NAV1: variants seen among roughly 807,000 people sequenced by gnomAD.
NAV1 encodes pore membrane and/or filament interacting like protein 3.
A neutral mutation model predicts 175.2 loss-of-function variants in NAV1; 18 were observed. The observed-to-expected ratio is 0.10, with a 90% CI of 0.07 to 0.15. NAV1 has a LOEUF of 0.15. Ranked by LOEUF, NAV1 falls within the 10% of genes least tolerant of loss-of-function variation. The pLI is 1.00. For missense variants in NAV1, 1,731 were observed against 2,436.6 expected, an observed-to-expected ratio of 0.71 and a Z score of 6.10; for synonymous variants, 897 against 978.7, an observed-to-expected ratio of 0.92 and a Z score of 1.56.
chr1:201,780,391 C>T, intron 3 of NAV1, 30 bp from the exon 8 acceptor site: 9 of 1,613,244 alleles, frequency 5.6e-6, no homozygotes, highest in South Asian at 1.1e-5. Context: ...TCTGTTTTAA[C>T]GATTGACCTT....
At position 201,577,620 on chromosome 1, in the gene NAV1, C is replaced by G. The variant is rs560538805; in HGVS notation, c.-143-10919C>G. Among the ~76,000 whole-genome samples, 49 of 151,938 alleles carry G rather than the reference C, an allele frequency of 3.2e-4. 1 individual carries two copies. The South Asian group carries it at 9.8e-3, about 30-fold the overall frequency. On this transcript the variant is annotated intron_variant, in intron 1 of 33. Coordinates refer to the NAV1 transcript ENST00000685211. ...ATTTGTGTGGGTCTGTTTCTGGATT[C>G]TCTATTCTGTTCCTTTCTGTTTGGA...
intron 1 of NAV1, among the ~76,000 whole-genome samples, chr1:201,677,102 AT>A (rs1670280143): frequency 1.3e-5 from 2 of 151,814 alleles, no homozygotes; most frequent in Admixed American, 1.3e-4. Context: ...AAATACAAAC[AT>A]TATCTGGTTA....
exon 30 of NAV1, chr1:201,820,835 G>A (rs542065368): frequency 7.6e-5 from 10 of 131,242 alleles, no homozygotes; most frequent in Non-Finnish European, 1.1e-4. Flanking sequence ...TTCTTTTTCC[G>A]TTTTTCCATT....
Position 201,629,426 on chromosome 1 carries a change from G to A in NAV1, c.-78G>A. On this transcript the variant is annotated 5_prime_UTR_variant, in exon 2 of 30. Coordinates refer to the NAV1 transcript ENST00000367302. The stretch of plus-strand genomic sequence containing the variant: ...CAGGTTGCAAACTGACCAGAAACCT[G>A]GCCCCCTCTCCCAGGGCAGCTGGCC... The A allele has an allele frequency of 3.8e-6, 5 of 1,303,906 alleles. 1 individual carries two copies. The South Asian group carries it at 6.2e-5, about 16-fold the overall frequency. 80.8% of individuals were successfully genotyped at this position (1,303,906 alleles called of 1,614,324 possible). A position where few individuals can be genotyped will look rare whatever the true frequency, so the allele number is the denominator to read the frequency against.
At chr1:201,623,231 G>C in exon 1 of NAV1, 1 of 986,090 alleles carries the variant, frequency 1.0e-6, no homozygotes, top group South Asian at 4.7e-5. Context: ...AGCCGGGCTG[G>C]ATCCGGAAGA....
At chr1:201,693,493 G>A (rs1187829946) in intron 1 of NAV1, among the ~76,000 whole-genome samples, 3 of 152,206 alleles carry the variant, frequency 2.0e-5, no homozygotes, top group Non-Finnish European at 4.4e-5. Context: ...GGGATGTAGT[G>A]TCTAGTGGAG....
rs1553278327 is a variant in NAV1 at position 201,802,470 on chromosome 1, A to AAAAAG, written c.3518-1119_3518-1118insGAAAA. ...ACCCTGTCTCATTAAAAAAAAAAAA[A>AAAAAG]AAAAAAGAAAGAAAGAAAAGAAAAA... On this transcript the variant is annotated intron_variant, in intron 15 of 29. Coordinates refer to ENST00000367296, the Ensembl canonical transcript of NAV1. Among the ~76,000 whole-genome samples, 93 of 129,112 alleles carry AAAAAG rather than the reference A, an allele frequency of 7.2e-4. 1 individual carries two copies. Among genetic ancestry groups the AAAAAG allele is most frequent in the African/African-American group, 2.4e-3 (90 of 37,796 alleles). 84.7% of individuals were successfully genotyped at this position (129,112 alleles called of 152,430 possible).
chr1:201,548,657 C>A (rs1327990535), intron 1 of NAV1, among the ~76,000 whole-genome samples: 3 of 152,178 alleles, frequency 2.0e-5, no homozygotes, highest in African/African-American at 4.8e-5. Context: ...ATACTCTCCT[C>A]TTCTACTGAG....
chr1:201,707,307 A>G (rs890852975), intron 1 of NAV1, among the ~76,000 whole-genome samples: 8 of 152,046 alleles, frequency 5.3e-5, no homozygotes, highest in Admixed American at 1.3e-4. Context: ...TTGTTCACCC[A>G]CCTCTTTGTG....
At chr1:201,677,508 A>G (rs1670298290) in intron 1 of NAV1, among the ~76,000 whole-genome samples, 1 of 152,054 alleles carries the variant, frequency 6.6e-6, no homozygotes, top group South Asian at 2.1e-4. Flanking sequence ...GTGGGAATGC[A>G]TCTGACTGCT....
intron 2 of NAV1, among the ~76,000 whole-genome samples, chr1:201,590,011 G>C (rs1667141429): frequency 6.6e-6 from 1 of 152,178 alleles, no homozygotes; most frequent in Non-Finnish European, 1.5e-5. Context: ...TCCTGCCTCA[G>C]CCTCCAGAGT....
chr1:201,823,418 C>G (rs1679502709), exon 30 of NAV1: 1 of 152,246 alleles, frequency 6.6e-6, no homozygotes, highest in Non-Finnish European at 1.5e-5. Context: ...CACACAAGAG[C>G]AGTTTGCTGT....
intron 10 of NAV1, among the ~76,000 whole-genome samples, chr1:201,789,349 G>A (rs1485059959): frequency 1.3e-5 from 2 of 152,104 alleles, no homozygotes; most frequent in African/African-American, 2.4e-5. Flanking sequence ...GAGGAGGCGC[G>A]GGCAGAATTT....
intron 1 of NAV1, among the ~76,000 whole-genome samples, chr1:201,703,562 A>G (rs1021951921): frequency 6.6e-6 from 1 of 152,206 alleles, no homozygotes; most frequent in African/African-American, 2.4e-5. Flanking sequence ...AGTCCTCCGC[A>G]TGGACCACCC....
chr1:201,756,177 C>G (rs557087170), intron 3 of NAV1, among the ~76,000 whole-genome samples: 1 of 147,620 alleles, frequency 6.8e-6, no homozygotes, highest in Admixed American at 6.8e-5. Flanking sequence ...TGCCACTTAA[C>G]AGTTTAATTA....
chr1:201,581,650 G>A (rs377130203), intron 1 of NAV1, among the ~76,000 whole-genome samples: 12 of 152,036 alleles, frequency 7.9e-5, no homozygotes, highest in East Asian at 1.9e-4. Flanking sequence ...TCAACATGGC[G>A]AAACCCTGTC....
chr1:201,575,689 G>A (rs1233991196), intron 1 of NAV1, among the ~76,000 whole-genome samples: 5 of 152,074 alleles, frequency 3.3e-5, no homozygotes, highest in African/African-American at 7.2e-5. Flanking sequence ...GGAGGAGCAC[G>A]GAGTGGTGAC....
chr1:201,700,384 G>A (rs1032732993), intron 1 of NAV1, among the ~76,000 whole-genome samples: 18 of 152,138 alleles, frequency 1.2e-4, no homozygotes, highest in African/African-American at 3.1e-4. Context: ...AAACCACAAC[G>A]AGATACCATC....
At chr1:201,595,100 TGA>T (rs1414721924) in intron 2 of NAV1, among the ~76,000 whole-genome samples, 1 of 152,206 alleles carries the variant, frequency 6.6e-6, no homozygotes, top group Non-Finnish European at 1.5e-5. Context: ...CCTCCAAGGC[TGA>T]GAGTCTGGGC....
Sources: allele counts gnomAD v4.1 joint callset (sites outside exome capture counted in the v4.1 genomes callset), GRCh38; gene constraint gnomAD v4.1.1; transcripts MANE v1.5; gene names NCBI Gene and HGNC (gene_info 2026-07-23, HGNC 2026-07-21).